Variants in EFCAB8 observed in about 807,000 individuals in gnomAD.
EFCAB8 encodes EF-hand calcium binding domain 8.
A neutral mutation model predicts 116.3 loss-of-function variants in EFCAB8; 100 were observed. The observed-to-expected ratio is 0.86, with a 90% CI of 0.73 to 1.02. The LOEUF is 1.02. Among genes scored for constraint, EFCAB8 ranks in the 50% least tolerant of loss-of-function variants. The probability of loss-of-function intolerance (pLI) is 0.00; values close to 1 mark genes in which losing one functional copy is unlikely to be tolerated. For synonymous variants in EFCAB8, 558 were observed against 567.9 expected (o/e 0.98, Z 0.25); for missense variants, 1,320 against 1,416.9 (o/e 0.93, Z 1.10).
At chr20:32,941,695 G>T (rs545744245) in intron 22 of EFCAB8, among the ~76,000 whole-genome samples, 1 of 152,158 alleles carries the variant, frequency 6.6e-6, no homozygotes, top group Admixed American at 6.6e-5. Context: ...GTTTCCTGAG[G>T]CTGGGGGAGG....
chr20:32,879,887 C>T (rs949706147), intron 5 of EFCAB8, among the ~76,000 whole-genome samples: 1 of 152,104 alleles, frequency 6.6e-6, no homozygotes, highest in Non-Finnish European at 1.5e-5. Context: ...TCTCTCAGAC[C>T]CCTCAACCTC....
intron 26 of EFCAB8, 32 bp downstream of exon 26, chr20:32,960,193 C>G (rs1224608862): frequency 1.2e-5 from 18 of 1,544,838 alleles, no homozygotes; most frequent in Non-Finnish European, 1.6e-5. Context: ...CCCCAAGAGG[C>G]TGGGTCAGGG....
At chr20:32,888,974 C>T (rs1035176549) in intron 6 of EFCAB8, among the ~76,000 whole-genome samples, 3 of 150,784 alleles carry the variant, frequency 2.0e-5, no homozygotes, top group African/African-American at 4.9e-5. Flanking sequence ...GGGCGGGGGG[C>T]GGACAGGGTC....
At chr20:32,942,941 G>A (rs991772251) in intron 22 of EFCAB8, among the ~76,000 whole-genome samples, 1 of 152,034 alleles carries the variant, frequency 6.6e-6, no homozygotes, top group African/African-American at 2.4e-5. Flanking sequence ...TGGTTTCTGA[G>A]CTTTCTATTG....
chr20:32,889,499 C>A (rs1456730234), intron 7 of EFCAB8, 93 bp downstream of exon 7: 25 of 1,271,656 alleles, frequency 2.0e-5, no homozygotes, highest in Admixed American at 2.0e-5. Context: ...CAACTGTGAA[C>A]ATGGATCAGA....
Position 32,906,923 on chromosome 20 carries a change from C to T in EFCAB8, c.1237C>T (p.Gln413Ter). 1 of 1,550,410 alleles carries T rather than the reference C, an allele frequency of 6.4e-7. No homozygotes were observed. The highest frequency in any genetic ancestry group is 2.0e-5 in the Admixed American group (1 of 50,848). The change falls in exon 13 of 27, where the codon CAG becomes TAG. Residue 413 changes from glutamine to a stop codon, truncating the protein, a stop_gained. Transcript: ENST00000400522. LOFTEE classifies it high-confidence loss of function. ...KRPVWLMKGHQTSVTHILVDS... is the reference protein window; with the variant it reads ...KRPVWLMKGH ...GCCCGTGTGGCTGATGAAGGGACAC[C>T]AGACCTCAGTGACGCACATCCTTGT...
intron 20 of EFCAB8, 56 bp downstream of exon 20, chr20:32,920,271 T>A: frequency 6.5e-7 from 1 of 1,539,668 alleles, no homozygotes; most frequent in Non-Finnish European, 8.8e-7. Flanking sequence ...GCGGTCAGGA[T>A]TGGGTGGTCA....
chr20:32,898,841 T>C (rs188008045), intron 11 of EFCAB8, among the ~76,000 whole-genome samples: 4 of 152,278 alleles, frequency 2.6e-5, no homozygotes, highest in African/African-American at 9.6e-5. Flanking sequence ...CACAGAGTGA[T>C]TGGCAGTCAG....
At chr20:32,939,203 C>CCTCT (rs562450932) in intron 22 of EFCAB8, among the ~76,000 whole-genome samples, 5 of 51,062 alleles carry the variant, frequency 9.8e-5, no homozygotes, top group South Asian at 6.8e-4. Context: ...TTCTTTCTTT[C>CCTCT]CTCTCTCTCT....
In EFCAB8 at chr20:32,961,160, C is replaced by G. The variant is rs1225377383; in HGVS notation, c.3418C>G (p.Leu1140Val). 1 of 1,552,292 alleles carries G rather than the reference C, an allele frequency of 6.4e-7. No individual in the cohort carries two copies. The highest frequency in any genetic ancestry group is 8.7e-7 in the Non-Finnish European group (1 of 1,147,110). The change falls in exon 27 of 27, where the codon CTG (leucine) becomes GTG (valine). Residue 1140 changes from leucine (L) to valine (V), a missense_variant. By Grantham distance (32) the Leu-to-Val change is conservative (BLOSUM62 1). Transcript: ENST00000400522. ...GATCTCGCCTCAGGTCTACCAAAGC[C>G]TGCACTTCAGTGATCTGATGCCGAC... is the stretch of plus-strand genomic sequence containing the variant. The part of the protein sequence containing the change: ...HQISPQVYQS[L>V]HFSDLMPTQQ...
intron 5 of EFCAB8, among the ~76,000 whole-genome samples, chr20:32,883,021 G>A (rs1267269384): frequency 1.3e-5 from 2 of 152,032 alleles, no homozygotes; most frequent in Non-Finnish European, 2.9e-5. Context: ...AATAGAGACG[G>A]GATTTCACCG....
At chr20:32,939,159 CTTT>C (rs1988273998) in intron 22 of EFCAB8, among the ~76,000 whole-genome samples, 2 of 84,354 alleles carry the variant, frequency 2.4e-5, no homozygotes, top group Non-Finnish European at 5.1e-5. Context: ...TTCTTTCTTT[CTTT>C]CTTTCTTTCT....
chr20:32,918,295 T>A, intron 18 of EFCAB8, 67 bp from the exon 19 acceptor site: 1 of 1,485,618 alleles, frequency 6.7e-7, no homozygotes, highest in Non-Finnish European at 9.2e-7. Context: ...GGCATTGATC[T>A]GGGGCAGTCC....
At position 32,906,631 on chromosome 20, in the gene EFCAB8, T is replaced by C. The variant is rs756306374; in HGVS notation, c.1156+2T>C. The stretch of plus-strand genomic sequence containing the variant: ...ACTGCCCAGACAGGAACTTCCTGGG[T>C]AAGTCACCTTCATGTCACCCAGAAG... On this transcript the variant is annotated splice_donor_variant, in intron 12 of 26. Coordinates refer to ENST00000400522, the MANE Select transcript of EFCAB8 (RefSeq NM_001143967.2). LOFTEE classifies it high-confidence loss of function. 1.1e-4 allele frequency: 80 copies of C among 718,176 alleles called. No homozygotes were observed. In the East Asian group the frequency reaches 2.1e-3, roughly 19 times the overall value. The allele number at this position is 718,176 out of a possible 1,614,324, so 44.5% of individuals were successfully genotyped here. A position where few individuals can be genotyped will look rare whatever the true frequency, so the allele number is the denominator to read the frequency against.
chr20:32,958,525 CAGA>C lies in EFCAB8; in HGVS notation c.3067_3069del (p.Lys1023del). On this transcript the variant is annotated inframe_deletion, in exon 24 of 27. Transcript: ENST00000400522. ...AGATGGTGACTCCACTGGCACCACCCAGAAGGTCTTACATCTGGAGCTGCAGTG... is the reference window on the plus strand; with the variant it reads ...AGATGGTGACTCCACTGGCACCACCCAGGTCTTACATCTGGAGCTGCAGTG... 2.4e-6 allele frequency: 1 copy of C among 416,572 alleles called. No individual in the cohort carries two copies. The allele number at this position is 416,572 out of a possible 1,614,324, so 25.8% of individuals were successfully genotyped here. A position where few individuals can be genotyped will look rare whatever the true frequency, so the allele number is the denominator to read the frequency against.
chr20:32,902,569 A>G (rs1287654685), intron 11 of EFCAB8, among the ~76,000 whole-genome samples: 1 of 152,088 alleles, frequency 6.6e-6, no homozygotes, highest in African/African-American at 2.4e-5. Context: ...CAATACAGCA[A>G]GATCCCATCT....
chr20:32,957,200 A>C (rs1172629356), intron 23 of EFCAB8, among the ~76,000 whole-genome samples: 3 of 151,910 alleles, frequency 2.0e-5, no homozygotes, highest in Non-Finnish European at 4.4e-5. Context: ...AGTTATTTAA[A>C]GTTTTAATCT....
intron 22 of EFCAB8, among the ~76,000 whole-genome samples, chr20:32,935,848 T>A (rs901078617): frequency 2.0e-5 from 3 of 152,110 alleles, no homozygotes; most frequent in Admixed American, 1.3e-4. Flanking sequence ...GGCTATTGAG[T>A]TGTTTGAGTT....
chr20:32,950,185 A>G (rs1426405212), intron 23 of EFCAB8, among the ~76,000 whole-genome samples: 2 of 152,244 alleles, frequency 1.3e-5, no homozygotes, highest in Non-Finnish European at 2.9e-5. Context: ...CAAGTTAATA[A>G]CAGTTTATCA....
Sources: gnomAD v4.1 joint callset for allele counts (sites outside exome capture counted in the v4.1 genomes callset) on GRCh38, gnomAD v4.1.1 for gene constraint, MANE v1.5 for transcripts, NCBI Gene and HGNC (gene_info 2026-07-23, HGNC 2026-07-21) for gene names.